STX8: variants seen among roughly 807,000 people sequenced by gnomAD.
The protein encoded by STX8 is syntaxin 8, also known as syntaxin-8.
STX8 carries 23 observed loss-of-function variants against 37.5 expected under a neutral mutation model. The observed-to-expected ratio is 0.61, with a 90% confidence interval of 0.44 to 0.87. The LOEUF is 0.87. Among genes scored for constraint, STX8 ranks in the 40% least tolerant of loss-of-function variants. The probability of loss-of-function intolerance (pLI) is 0.00; values close to 1 mark genes in which losing one functional copy is unlikely to be tolerated. For synonymous variants in STX8, 115 were observed against 99.1 expected (o/e 1.16, Z -0.95); for missense variants, 313 against 284.7 (o/e 1.10, Z -0.71).
At chr17:9,440,188 T>G (rs1904589811) in intron 6 of STX8, among the ~76,000 whole-genome samples, 1 of 152,202 alleles carries the variant, frequency 6.6e-6, no homozygotes, top group Admixed American at 6.5e-5. Flanking sequence ...CCTTACAGCC[T>G]ATTTAAGAAA....
chr17:9,333,450 T>G (rs146112587), intron 7 of STX8, among the ~76,000 whole-genome samples: 3 of 152,198 alleles, frequency 2.0e-5, no homozygotes, highest in South Asian at 2.1e-4. Context: ...TGCAGTGGCA[T>G]GATCTCGGCT....
rs59655296 is a variant in STX8 at position 9,384,794 on chromosome 17, T to TTGTGTGTGTGTGTGTGTGTGTG, written c.542-6163_542-6142dup. ...GGAACAAAACAGAGTCCAGATAGAC[T>TTGTGTGTGTGTGTGTGTGTGTG]TGTGTGTGTGTGTGTGTGTGTGTGT... On this transcript the variant is annotated intron_variant, in intron 6 of 7. Coordinates refer to ENST00000306357, the MANE Select transcript of STX8 (RefSeq NM_004853.3). Among the ~76,000 whole-genome samples, 85 of 147,750 alleles carry TTGTGTGTGTGTGTGTGTGTGTG rather than the reference T, an allele frequency of 5.8e-4. 1 individual carries two copies. Among genetic ancestry groups the TTGTGTGTGTGTGTGTGTGTGTG allele is most frequent in the Middle Eastern group, 3.6e-3 (1 of 280 alleles).
chr17:9,563,921 G>A (rs1346156765), intron 2 of STX8, among the ~76,000 whole-genome samples: 2 of 152,178 alleles, frequency 1.3e-5, no homozygotes, highest in South Asian at 2.1e-4. Flanking sequence ...TCCCTGGGAT[G>A]CAAGGTTGGT....
chr17:9,358,625 G>C (rs1453958499), intron 7 of STX8, among the ~76,000 whole-genome samples: 1 of 152,202 alleles, frequency 6.6e-6, no homozygotes, highest in Non-Finnish European at 1.5e-5. Context: ...GTGACACATT[G>C]AGGAGAGAAA....
At chr17:9,395,665 A>C (rs1912376285) in intron 6 of STX8, among the ~76,000 whole-genome samples, 1 of 152,200 alleles carries the variant, frequency 6.6e-6, no homozygotes, top group Admixed American at 6.5e-5. Context: ...TCTTTATGTC[A>C]ACTGTGAAGG....
chr17:9,280,507 C>T (rs187268061), intron 7 of STX8, among the ~76,000 whole-genome samples: 37 of 152,266 alleles, frequency 2.4e-4, no homozygotes, highest in South Asian at 4.2e-4. Context: ...GAGCCAAGAT[C>T]GCACCATTGC....
chr17:9,351,364 G>A lies in STX8; in HGVS notation c.643+27188C>T, dbSNP rs368914168. Among the ~76,000 whole-genome samples the A allele has an allele frequency of 1.6e-4, 25 of 151,794 alleles. No individual in the cohort carries two copies. The East Asian group carries it at 2.9e-3, about 18-fold the overall frequency. Reference sequence around the variant, plus strand: ...AGTAGAGACAGGGTTTCACTATGTTGGCCTGACTGGTCTCCAACTCCTGAC... The same window carrying A: ...AGTAGAGACAGGGTTTCACTATGTTAGCCTGACTGGTCTCCAACTCCTGAC... On this transcript the variant is annotated intron_variant, in intron 7 of 7. Transcript: ENST00000306357.
At chr17:9,391,302 A>G (rs1254836012) in intron 6 of STX8, among the ~76,000 whole-genome samples, 1 of 152,004 alleles carries the variant, frequency 6.6e-6, no homozygotes, top group African/African-American at 2.4e-5. Flanking sequence ...AAACACAAAA[A>G]TTAGCCAGAC....
chr17:9,324,765 CAAAAAAAAAA>C (rs534392223), intron 7 of STX8, among the ~76,000 whole-genome samples: 2 of 45,944 alleles, frequency 4.4e-5, no homozygotes, highest in Non-Finnish European at 9.2e-5. Flanking sequence ...AACTCCATCT[CAAAAAAAAAA>C]AAAAAAAAAA....
intron 6 of STX8, among the ~76,000 whole-genome samples, chr17:9,478,289 T>C (rs1906179600): frequency 1.3e-5 from 2 of 152,050 alleles, no homozygotes; most frequent in African/African-American, 2.4e-5. Context: ...GCGTGCACCA[T>C]CACACCCAGC....
intron 6 of STX8, among the ~76,000 whole-genome samples, chr17:9,415,661 C>T (rs769745655): frequency 3.4e-4 from 51 of 152,076 alleles, no homozygotes; most frequent in African/African-American, 1.2e-3. Context: ...CCCAGCTACT[C>T]AGGAGGCTGA....
At chr17:9,267,260 A>G (rs1907262814) in intron 7 of STX8, among the ~76,000 whole-genome samples, 1 of 152,208 alleles carries the variant, frequency 6.6e-6, no homozygotes, top group Non-Finnish European at 1.5e-5. Flanking sequence ...CTCCACTCTC[A>G]GAGCCATCAT....
intron 5 of STX8, 129 bp downstream of exon 5, chr17:9,504,909 G>A (rs1385715437): frequency 1.4e-5 from 13 of 912,586 alleles, no homozygotes; most frequent in Non-Finnish European, 2.0e-5. Context: ...GGGAGGTGGA[G>A]GTTGCAGTGA....
At chr17:9,484,476 T>C (rs1597700910) in intron 6 of STX8, among the ~76,000 whole-genome samples, 1 of 150,672 alleles carries the variant, frequency 6.6e-6, no homozygotes, top group Non-Finnish European at 1.5e-5. Context: ...AGAACAGTAA[T>C]TGGCAGGAGG....
intron 7 of STX8, among the ~76,000 whole-genome samples, chr17:9,257,930 G>A (rs1449894640): frequency 2.0e-5 from 3 of 152,178 alleles, no homozygotes; most frequent in Non-Finnish European, 2.9e-5. Flanking sequence ...AGGAGGTTGC[G>A]GTGAGCTGAG....
intron 2 of STX8, among the ~76,000 whole-genome samples, chr17:9,562,393 G>A (rs958742890): frequency 2.7e-5 from 4 of 150,040 alleles, no homozygotes; most frequent in South Asian, 4.2e-4. Context: ...GCGACAGAGC[G>A]AGACTCCGTC....
intron 6 of STX8, chr17:9,469,363 T>TACACACACAC (rs59191207): frequency 2.1e-4 from 32 of 150,236 alleles, no homozygotes; most frequent in African/African-American, 7.1e-4. Context: ...CTCTCTCTCA[T>TACACACACAC]ACACACACAC....
intron 6 of STX8, among the ~76,000 whole-genome samples, chr17:9,458,479 G>C (rs1412752867): frequency 1.3e-5 from 2 of 152,186 alleles, no homozygotes; most frequent in African/African-American, 4.8e-5. Flanking sequence ...CAGGAGAGTT[G>C]AGTTGAAATC....
chr17:9,311,391 AAGAC>A (rs1909183913), intron 7 of STX8, among the ~76,000 whole-genome samples: 1 of 152,206 alleles, frequency 6.6e-6, no homozygotes, highest in African/African-American at 2.4e-5. Context: ...GCAAGAAAGT[AAGAC>A]AGAAAGAAAC....
Sources: allele counts gnomAD v4.1 joint callset (sites outside exome capture counted in the v4.1 genomes callset), GRCh38; gene constraint gnomAD v4.1.1; transcripts MANE v1.5; gene names NCBI Gene and HGNC (gene_info 2026-07-23, HGNC 2026-07-21).